ARPP21: variants seen among roughly 807,000 people sequenced by gnomAD.
The protein encoded by ARPP21 is cAMP regulated phosphoprotein 21, also known as cAMP-regulated phosphoprotein 21.
A neutral mutation model predicts 113.2 loss-of-function variants in ARPP21; 69 were observed. The ratio of observed to expected loss-of-function variants is 0.61; its 90% CI spans 0.50 to 0.74. The LOEUF (loss-of-function observed/expected upper bound fraction) is 0.74. ARPP21 is among the 30% of genes least tolerant of loss of function. ARPP21 has a pLI of 0.00. For synonymous variants in ARPP21, 368 were observed against 375.5 expected (o/e 0.98, Z 0.23); for missense variants, 1,070 against 1,037.4 (o/e 1.03, Z -0.43).
Position 35,670,450 on chromosome 3 carries a change from C to T in ARPP21, c.-212-9337C>T, listed in dbSNP as rs117621344. Among the ~76,000 whole-genome samples the T allele has an allele frequency of 2.6e-4, 40 of 152,156 alleles. 1 individual carries two copies. In the East Asian group the frequency reaches 6.8e-3, roughly 26 times the overall value. On this transcript the variant is annotated intron_variant, in intron 1 of 20. Transcript: ENST00000684406. ...GGGGATATGAGGAGGTTGACATCAT[C>T]GGGTCATATCAGGCTTTTTAGGTAG...
rs200173509 is a variant in ARPP21 at position 35,683,972 on chromosome 3, A to G, written c.261+157A>G. 6.7e-6 allele frequency: 9 copies of G among 1,335,396 alleles called. No homozygotes were observed. The East Asian group carries it at 2.1e-4, about 31-fold the overall frequency. The allele number at this position is 1,335,396 out of a possible 1,614,324, so 82.7% of individuals were successfully genotyped here. ...TTATCCCCTGCTTATGCAACATTCT[A>G]AAATAGTTTAATGGTTTGTCACAGA... On this transcript the variant is annotated intron_variant, in intron 5 of 20. Coordinates refer to ENST00000684406, the MANE Select transcript of ARPP21 (RefSeq NM_001385562.1).
rs2092247175 is a variant in ARPP21, at chr3:35,715,437, A to C, written c.898-2A>C. The C allele has an allele frequency of 1.2e-6, 2 of 1,612,586 alleles. No individual in the cohort carries two copies. Among genetic ancestry groups the C allele is most frequent in the Non-Finnish European group, 1.7e-6 (2 of 1,179,152 alleles). ...ATCCAATGCCTTTTTTTTATTTTTC[A>C]GTCAGTTTGCTCCCAGGAAAGCCTT... is the stretch of plus-strand genomic sequence containing the variant. On this transcript the variant is annotated splice_acceptor_variant, in intron 11 of 20. Coordinates refer to ENST00000684406, the MANE Select transcript of ARPP21 (RefSeq NM_001385562.1). LOFTEE classifies it high-confidence loss of function.
At chr3:35,652,209 T>C (rs1465074111) in intron 1 of ARPP21, among the ~76,000 whole-genome samples, 1 of 152,116 alleles carries the variant, frequency 6.6e-6, no homozygotes, top group Non-Finnish European at 1.5e-5. Flanking sequence ...CTCCTAGATT[T>C]GTCTAGTAAT....
chr3:35,753,351 A>G (rs1384960613), intron 19 of ARPP21, among the ~76,000 whole-genome samples: 1 of 152,010 alleles, frequency 6.6e-6, no homozygotes, highest in African/African-American at 2.4e-5. Flanking sequence ...CACCCAAGGA[A>G]TATGTCTCAG....
chr3:35,768,919 G>A (rs1228880335), intron 19 of ARPP21, among the ~76,000 whole-genome samples: 2 of 152,270 alleles, frequency 1.3e-5, no homozygotes, highest in East Asian at 3.9e-4. Flanking sequence ...ATATGTTACA[G>A]ATATTAGAAA....
intron 14 of ARPP21, 64 bp from the exon 15 acceptor site, chr3:35,729,239 T>A: frequency 8.7e-7 from 1 of 1,155,222 alleles, no homozygotes. Context: ...GCATTTAGAC[T>A]CAGATTGGTG....
intron 14 of ARPP21, among the ~76,000 whole-genome samples, chr3:35,728,241 C>T (rs542851622): frequency 1.0e-4 from 10 of 97,716 alleles, no homozygotes; most frequent in Admixed American, 6.1e-4. Context: ...TTTTTTTTGA[C>T]GGAGTCTGAC....
chr3:35,701,884 T>C (rs2086556251), intron 9 of ARPP21, among the ~76,000 whole-genome samples: 2 of 151,502 alleles, frequency 1.3e-5, no homozygotes, highest in African/African-American at 4.8e-5. Context: ...AAACAAAATA[T>C]CTAAATACCT....
chr3:35,669,384 C>A (rs78548690), intron 1 of ARPP21, among the ~76,000 whole-genome samples: 8,486 of 152,176 alleles, frequency 0.056, 794 homozygotes, highest in African/African-American at 0.19. Flanking sequence ...AGCTCAGAAG[C>A]TGAGTATTTT....
chr3:35,741,850 G>A (rs1474685386), intron 18 of ARPP21, among the ~76,000 whole-genome samples: 2 of 152,094 alleles, frequency 1.3e-5, no homozygotes, highest in Admixed American at 6.6e-5. Context: ...TCTAAGAGAG[G>A]ATGAGGTTAG....
intron 15 of ARPP21, among the ~76,000 whole-genome samples, chr3:35,733,413 C>T (rs773084781): frequency 2.4e-4 from 37 of 152,278 alleles, no homozygotes; most frequent in Non-Finnish European, 3.4e-4. Flanking sequence ...CAAAGTGCCC[C>T]GGCTTATTTC....
At chr3:35,688,030 T>C (rs1044863723) in intron 6 of ARPP21, 147 bp downstream of exon 6, 1 of 696,064 alleles carries the variant, frequency 1.4e-6, no homozygotes, top group Non-Finnish European at 2.3e-6. Flanking sequence ...GTGTAAAAAA[T>C]GTGAACTTGA....
intron 14 of ARPP21, among the ~76,000 whole-genome samples, chr3:35,727,048 T>A (rs1040971271): frequency 3.3e-5 from 5 of 152,324 alleles, no homozygotes; most frequent in East Asian, 3.9e-4. Context: ...GCATTTTCAA[T>A]ATTCTTTTTA....
intron 1 of ARPP21, among the ~76,000 whole-genome samples, chr3:35,645,534 A>G (rs374565592): frequency 6.6e-6 from 1 of 151,934 alleles, no homozygotes; most frequent in Admixed American, 6.6e-5. Flanking sequence ...TTGAAAACAA[A>G]TTCACAAAGC....
intron 1 of ARPP21, among the ~76,000 whole-genome samples, chr3:35,667,939 A>AAGAAGAAGAG (rs2075008846): frequency 7.0e-6 from 1 of 142,104 alleles, no homozygotes; most frequent in African/African-American, 2.7e-5. Flanking sequence ...GAGGAGAAGG[A>AAGAAGAAGAG]GAAGAAGAAA....
At chr3:35,774,624 G>A (rs1363884052) in intron 19 of ARPP21, among the ~76,000 whole-genome samples, 1 of 152,166 alleles carries the variant, frequency 6.6e-6, no homozygotes, top group Admixed American at 6.5e-5. Context: ...GCTGAATTAA[G>A]GATTTTCAAT....
intron 19 of ARPP21, among the ~76,000 whole-genome samples, chr3:35,753,215 A>C (rs753890463): frequency 1.3e-5 from 2 of 151,958 alleles, no homozygotes; most frequent in Non-Finnish European, 2.9e-5. Context: ...TCTCTCAACC[A>C]TCTAATTCAA....
chr3:35,743,170 C>A (rs1304796729), intron 18 of ARPP21, among the ~76,000 whole-genome samples: 1 of 152,132 alleles, frequency 6.6e-6, no homozygotes, highest in Non-Finnish European at 1.5e-5. Context: ...TCCTTTTAGG[C>A]TACAGATCAG....
intron 19 of ARPP21, among the ~76,000 whole-genome samples, chr3:35,757,007 T>G (rs78228405): frequency 0.026 from 3,986 of 152,024 alleles, 180 homozygotes; most frequent in African/African-American, 0.087. Context: ...TGGGCAGTGT[T>G]AAGTAGCCAG....
Sources: gnomAD v4.1 joint callset for allele counts (sites outside exome capture counted in the v4.1 genomes callset) on GRCh38, gnomAD v4.1.1 for gene constraint, MANE v1.5 for transcripts, NCBI Gene and HGNC (gene_info 2026-07-23, HGNC 2026-07-21) for gene names.